The following WWOX variants were observed in gnomAD, a reference collection of about 807,000 sequenced individuals.
WWOX encodes WW domain containing oxidoreductase.
A neutral mutation model predicts 46.2 loss-of-function variants in WWOX; 69 were observed. The ratio of observed to expected loss-of-function variants is 1.49; its 90% CI spans 1.23 to 1.82. WWOX has a LOEUF of 1.82. Among genes scored for constraint, WWOX ranks in the 40% most tolerant of loss-of-function variants. The pLI, the probability that WWOX is intolerant of heterozygous loss-of-function variation, is 0.00. For missense variants in WWOX, 919 were observed against 542.6 expected (o/e 1.69, Z -6.89); for synonymous variants, 359 against 202.6 (o/e 1.77, Z -6.56).
chr16:79,044,717 C>T (rs957105035), intron 8 of WWOX, among the ~76,000 whole-genome samples: 3 of 152,260 alleles, frequency 2.0e-5, no homozygotes, highest in Admixed American at 2.0e-4. Flanking sequence ...TACATGGTCT[C>T]TGAGCAGGAT....
intron 8 of WWOX, among the ~76,000 whole-genome samples, chr16:78,637,813 G>A (rs1045446146): frequency 6.6e-6 from 1 of 152,110 alleles, no homozygotes; most frequent in East Asian, 1.9e-4. Context: ...CATTGTCCCA[G>A]GCCAGGGCCT....
intron 8 of WWOX, among the ~76,000 whole-genome samples, chr16:79,027,632 A>G (rs2656649): frequency 0.15 from 22,780 of 151,812 alleles, 2,000 homozygotes; most frequent in East Asian, 0.24. Context: ...CCTATCGTGA[A>G]TTCGGTCATT....
chr16:78,206,826 A>T (rs1190056165), intron 5 of WWOX, among the ~76,000 whole-genome samples: 1 of 152,234 alleles, frequency 6.6e-6, no homozygotes, highest in Admixed American at 6.5e-5. Context: ...AAGGTCACAC[A>T]ACTAAAAGAA....
chr16:78,911,545 G>C lies in WWOX; in HGVS notation c.1057-300063G>C, dbSNP rs541860029. 2.8e-4 allele frequency among the ~76,000 whole-genome samples: 42 copies of C among 152,066 alleles called. 1 individual carries two copies. The South Asian group carries it at 8.5e-3, about 31-fold the overall frequency. On this transcript the variant is annotated intron_variant, in intron 8 of 8. Transcript: ENST00000566780. ...GTAATTGAATGAAATAAGACTCTTA[G>C]GAAAATTCTCCCCAGTGGCAATGTT...
intron 8 of WWOX, among the ~76,000 whole-genome samples, chr16:78,799,037 A>G (rs2050816930): frequency 1.3e-5 from 2 of 152,188 alleles, no homozygotes; most frequent in African/African-American, 4.8e-5. Flanking sequence ...CATTTCATTT[A>G]TATGTGCTTG....
At chr16:79,095,577 CAA>C (rs1005887630) in intron 8 of WWOX, among the ~76,000 whole-genome samples, 35 of 152,242 alleles carry the variant, frequency 2.3e-4, no homozygotes, top group African/African-American at 8.2e-4. Context: ...AATAATAAAA[CAA>C]ATGGAGCCAC....
intron 4 of WWOX, among the ~76,000 whole-genome samples, chr16:78,155,016 C>G (rs891797597): frequency 7.2e-5 from 11 of 152,174 alleles, no homozygotes; most frequent in African/African-American, 2.2e-4. Flanking sequence ...CCACCTCTAG[C>G]TGACAGTGGC....
At chr16:78,689,227 C>G (rs565510322) in intron 8 of WWOX, among the ~76,000 whole-genome samples, 5 of 152,204 alleles carry the variant, frequency 3.3e-5, no homozygotes, top group Non-Finnish European at 1.5e-5. Context: ...TTGAGAAATG[C>G]TGTTCAAGCC....
intron 5 of WWOX, among the ~76,000 whole-genome samples, chr16:78,309,171 A>C (rs1251128838): frequency 6.6e-6 from 1 of 152,170 alleles, no homozygotes; most frequent in African/African-American, 2.4e-5. Context: ...CAATCCCGAC[A>C]TGTCAAGGGA....
intron 8 of WWOX, among the ~76,000 whole-genome samples, chr16:78,913,849 C>G (rs183721222): frequency 6.6e-6 from 1 of 151,888 alleles, no homozygotes; most frequent in Admixed American, 6.6e-5. Flanking sequence ...TTTGTAGATA[C>G]GGGGTCTTGC....
At chr16:79,029,762 T>G (rs1243233476) in intron 8 of WWOX, among the ~76,000 whole-genome samples, 1 of 152,194 alleles carries the variant, frequency 6.6e-6, no homozygotes, top group Non-Finnish European at 1.5e-5. Flanking sequence ...GGAATCTCAA[T>G]TATTAATTGT....
intron 8 of WWOX, among the ~76,000 whole-genome samples, chr16:78,918,752 C>T (rs1224790802): frequency 6.6e-6 from 1 of 152,154 alleles, no homozygotes; most frequent in East Asian, 1.9e-4. Flanking sequence ...TTCAGAAATT[C>T]CAGAATTAAT....
chr16:79,115,544 C>G (rs1261736577), intron 8 of WWOX, among the ~76,000 whole-genome samples: 1 of 152,108 alleles, frequency 6.6e-6, no homozygotes, highest in Non-Finnish European at 1.5e-5. Flanking sequence ...ATGCAGTTTA[C>G]AATATCTCTA....
chr16:78,239,766 C>T (rs942719823), intron 5 of WWOX, among the ~76,000 whole-genome samples: 6 of 152,182 alleles, frequency 3.9e-5, no homozygotes, highest in Admixed American at 1.3e-4. Context: ...AACTCCTGAC[C>T]TCAGGTGATC....
intron 3 of WWOX, among the ~76,000 whole-genome samples, chr16:78,113,221 C>G (rs980111853): frequency 3.3e-5 from 5 of 152,158 alleles, no homozygotes; most frequent in Non-Finnish European, 7.3e-5. Flanking sequence ...ACTGAATCAG[C>G]ACTGGGGTGG....
intron 8 of WWOX, among the ~76,000 whole-genome samples, chr16:78,592,718 T>TAA (rs1241026663): frequency 2.0e-5 from 3 of 152,198 alleles, no homozygotes; most frequent in African/African-American, 7.2e-5. Context: ...AACATGGTGG[T>TAA]AAATTCTTCC....
chr16:78,745,112 C>G (rs1454545075), intron 8 of WWOX, among the ~76,000 whole-genome samples: 1 of 152,148 alleles, frequency 6.6e-6, no homozygotes, highest in African/African-American at 2.4e-5. Context: ...CTATAGGAGC[C>G]AAGACTAGTT....
intron 4 of WWOX, among the ~76,000 whole-genome samples, chr16:78,144,462 T>TATATATATAC (rs1555543063): frequency 8.5e-5 from 2 of 23,630 alleles, no homozygotes; most frequent in African/African-American, 1.6e-4. Context: ...TATATATATA[T>TATATATATAC]ACACACATAT....
intron 8 of WWOX, among the ~76,000 whole-genome samples, chr16:78,638,094 CTTCTCTTAGTTATTCTAATAACTGCCCAA>C (rs1391886099): frequency 6.6e-6 from 1 of 152,194 alleles, no homozygotes; most frequent in African/African-American, 2.4e-5. Flanking sequence ...AAGCTAAGCT[CTTCTCTTAGTTATTCTAATAACTGCCCAA>C]TATCAGGCAC....
Sources: allele counts gnomAD v4.1 joint callset (sites outside exome capture counted in the v4.1 genomes callset), GRCh38; gene constraint gnomAD v4.1.1; transcripts MANE v1.5; gene names NCBI Gene and HGNC (gene_info 2026-07-23, HGNC 2026-07-21).